The following TMC5 variants were observed in gnomAD, a reference collection of about 807,000 sequenced individuals.
TMC5 encodes the protein transmembrane channel-like protein 5.
Under a neutral mutation model 110.5 loss-of-function variants are expected in TMC5, and 86 were observed. The ratio of observed to expected loss-of-function variants is 0.78; its 90% CI spans 0.65 to 0.93. The LOEUF (loss-of-function observed/expected upper bound fraction) is 0.93. Among genes scored for constraint, TMC5 ranks in the 40% least tolerant of loss-of-function variants. The probability of loss-of-function intolerance (pLI) is 0.00; values close to 1 mark genes in which losing one functional copy is unlikely to be tolerated. For missense variants in TMC5, 1,144 were observed against 1,222.8 expected (o/e 0.94, Z 0.96); for synonymous variants, 455 against 439.5 (o/e 1.04, Z -0.44).
chr16:19,412,912 G>A (rs992764350), upstream of TMC5, among the ~76,000 whole-genome samples: 4 of 152,120 alleles, frequency 2.6e-5, no homozygotes, highest in Non-Finnish European at 4.4e-5. Context: ...TGGCACAATT[G>A]TAGCTCACTG....
intron 14 of TMC5, among the ~76,000 whole-genome samples, chr16:19,479,868 A>T (rs1489056778): frequency 6.6e-6 from 1 of 150,966 alleles, no homozygotes; most frequent in Admixed American, 6.6e-5. Context: ...CCGAGGCAGG[A>T]GGATCACTTG....
chr16:19,440,232 ATCC>A lies in TMC5; in HGVS notation c.196_198del (p.Pro66del). On this transcript the variant is annotated inframe_deletion, in exon 3 of 22. Transcript: ENST00000542583. ...GTAGCCTCCAGAACACGTCCAGACT[ATCC>A]TGGGTCTCTGGCAGAACCAAATTAT... The A allele has an allele frequency of 6.2e-7, 1 of 1,614,150 alleles. No homozygotes were observed. Among genetic ancestry groups the A allele is most frequent in the South Asian group, 1.1e-5 (1 of 91,078 alleles).
At chr16:19,475,277 C>A (rs1352334175) in intron 12 of TMC5, among the ~76,000 whole-genome samples, 1 of 152,074 alleles carries the variant, frequency 6.6e-6, no homozygotes, top group African/African-American at 2.4e-5. Flanking sequence ...CAAAAATTAG[C>A]TGGGCTTGGT....
chr16:19,492,267 C>A, intron 19 of TMC5, 39 bp downstream of exon 19: 2 of 1,464,336 alleles, frequency 1.4e-6, no homozygotes, highest in Non-Finnish European at 1.9e-6. Flanking sequence ...CGCCCTCACC[C>A]TTTTTAAACG....
chr16:19,478,576 A>G (rs537920568), intron 13 of TMC5, among the ~76,000 whole-genome samples: 63 of 151,778 alleles, frequency 4.2e-4, no homozygotes, highest in African/African-American at 1.5e-3. Flanking sequence ...CCATCCACTT[A>G]TCCATTTATC....
At chr16:19,432,972 A>G (rs1171175718) in intron 2 of TMC5, among the ~76,000 whole-genome samples, 4 of 152,124 alleles carry the variant, frequency 2.6e-5, no homozygotes. Flanking sequence ...ATATACATAA[A>G]TTGTATGGAT....
intron 5 of TMC5, among the ~76,000 whole-genome samples, chr16:19,452,940 C>A (rs745445529): frequency 7.3e-5 from 11 of 151,666 alleles, no homozygotes; most frequent in Admixed American, 2.6e-4. Flanking sequence ...GCTTAAAATT[C>A]TAACATTATA....
At chr16:19,427,249 T>C (rs900891332) in intron 1 of TMC5, among the ~76,000 whole-genome samples, 1 of 151,768 alleles carries the variant, frequency 6.6e-6, no homozygotes, top group Admixed American at 6.6e-5. Flanking sequence ...AGGCCAAGAG[T>C]TCAAGACCAG....
upstream of TMC5, chr16:19,410,716 T>A (rs1966853714): frequency 6.6e-6 from 1 of 152,232 alleles, no homozygotes; most frequent in Non-Finnish European, 1.5e-5. Context: ...TGCGGGCTGC[T>A]TCGGGCCAGG....
chr16:19,460,895 C>T (rs1968005180), intron 6 of TMC5, among the ~76,000 whole-genome samples: 1 of 152,160 alleles, frequency 6.6e-6, no homozygotes, highest in Non-Finnish European at 1.5e-5. Flanking sequence ...GTGGCTCACG[C>T]CTGTAATCCC....
chr16:19,421,574 G>A (rs1224675360), intron 1 of TMC5, among the ~76,000 whole-genome samples: 2 of 152,178 alleles, frequency 1.3e-5, no homozygotes, highest in African/African-American at 2.4e-5. Context: ...CTAGTCTCAG[G>A]TATGAAAATG....
At chr16:19,494,654 A>G (rs1486860939) in intron 20 of TMC5, among the ~76,000 whole-genome samples, 1 of 152,090 alleles carries the variant, frequency 6.6e-6, no homozygotes. Flanking sequence ...TAAAAATACA[A>G]AAGTTAGCTG....
Position 19,457,859 on chromosome 16 carries a change from G to A in TMC5, c.1049-2376G>A, listed in dbSNP as rs926735893. Among the ~76,000 whole-genome samples the A allele has an allele frequency of 2.0e-5, 3 of 151,392 alleles. No homozygotes were observed. The Admixed American group carries it at 2.0e-4, about 10-fold the overall frequency. On this transcript the variant is annotated intron_variant, in intron 5 of 21. Coordinates refer to ENST00000542583, the MANE Select transcript of TMC5 (RefSeq NM_001261841.2). ...ATGCCTCAGCCTGCTGAGTAGCTGG[G>A]ATTACAGGTGCATGTCACCACACCC...
At chr16:19,497,611 G>A (rs1368464771) in intron 21 of TMC5, among the ~76,000 whole-genome samples, 1 of 152,218 alleles carries the variant, frequency 6.6e-6, no homozygotes, top group Non-Finnish European at 1.5e-5. Context: ...GTAGATGCAG[G>A]TGGTGCAACC....
chr16:19,436,285 G>A (rs55747117), intron 2 of TMC5, among the ~76,000 whole-genome samples: 10,550 of 70,286 alleles, frequency 0.15, 1,074 homozygotes, highest in African/African-American at 0.35. Flanking sequence ...AAAAAAAAAA[G>A]AAAGGAAAAA....
chr16:19,458,855 C>A (rs1379687196), intron 5 of TMC5, among the ~76,000 whole-genome samples: 1 of 152,220 alleles, frequency 6.6e-6, no homozygotes, highest in East Asian at 1.9e-4. Flanking sequence ...TATTTCCCGG[C>A]GGGCCATTCT....
chr16:19,466,707 T>C (rs1968199483), intron 9 of TMC5, among the ~76,000 whole-genome samples: 1 of 152,130 alleles, frequency 6.6e-6, no homozygotes, highest in Non-Finnish European at 1.5e-5. Flanking sequence ...AATATAAAAA[T>C]AGGAGTTTGG....
At chr16:19,474,478 A>T (rs988732424) in intron 12 of TMC5, among the ~76,000 whole-genome samples, 6 of 152,046 alleles carry the variant, frequency 3.9e-5, no homozygotes, top group Admixed American at 3.3e-4. Flanking sequence ...ACTTGAGACC[A>T]GGAGTTCGAG....
In TMC5 at chr16:19,457,709, C is replaced by CTT. The variant is rs573979829; in HGVS notation, c.1049-2493_1049-2492dup. ...TCTATCTGATTCCCAAGACTACATT[C>CTT]TTTTTTTTTTTTTTTTTTTTTTTTT... On this transcript the variant is annotated intron_variant, in intron 5 of 21. Coordinates refer to ENST00000542583, the MANE Select transcript of TMC5 (RefSeq NM_001261841.2). Among the ~76,000 whole-genome samples, 212 of 43,890 alleles carry CTT rather than the reference C, an allele frequency of 4.8e-3. 53 individuals are homozygous for CTT. Among genetic ancestry groups the CTT allele is most frequent in the Middle Eastern group, 0.016 (1 of 62 alleles). The allele number at this position is 43,890 out of a possible 152,430, so 28.8% of individuals were successfully genotyped here.
Sources: gnomAD v4.1 joint callset for allele counts (sites outside exome capture counted in the v4.1 genomes callset) on GRCh38, gnomAD v4.1.1 for gene constraint, MANE v1.5 for transcripts, NCBI Gene and HGNC (gene_info 2026-07-23, HGNC 2026-07-21) for gene names.